Variants in PLXDC2 observed in about 807,000 individuals in gnomAD.
The protein encoded by PLXDC2 is plexin domain-containing protein 2.
A neutral mutation model predicts 68.9 loss-of-function variants in PLXDC2; 40 were observed. The ratio of observed to expected loss-of-function variants is 0.58; its 90% CI spans 0.45 to 0.76. The LOEUF is 0.76. PLXDC2 is among the 30% of genes least tolerant of loss of function. PLXDC2 has a pLI of 0.00. For synonymous variants in PLXDC2, 243 were observed against 234.2 expected, an observed-to-expected ratio of 1.04 and a Z score of -0.34; for missense variants, 644 against 661.9, an observed-to-expected ratio of 0.97 and a Z score of 0.30.
At chr10:19,994,236 G>A (rs920627672) in intron 1 of PLXDC2, among the ~76,000 whole-genome samples, 6 of 127,930 alleles carry the variant, frequency 4.7e-5, no homozygotes, top group Non-Finnish European at 6.4e-5. Context: ...GCTTTCATAG[G>A]TTCCCATTGT....
At chr10:20,050,956 T>G (rs1835888897) in intron 3 of PLXDC2, among the ~76,000 whole-genome samples, 1 of 152,092 alleles carries the variant, frequency 6.6e-6, no homozygotes, top group Non-Finnish European at 1.5e-5. Context: ...GCAGCACTAT[T>G]CACAAAAGCA....
intron 1 of PLXDC2, among the ~76,000 whole-genome samples, chr10:19,961,876 T>C (rs1834158802): frequency 6.6e-6 from 1 of 152,222 alleles, no homozygotes; most frequent in Non-Finnish European, 1.5e-5. Flanking sequence ...CATTTTCTAC[T>C]GTGTCATGCA....
chr10:20,014,778 C>G (rs577509063), intron 2 of PLXDC2, among the ~76,000 whole-genome samples: 10 of 152,238 alleles, frequency 6.6e-5, no homozygotes, highest in Admixed American at 2.6e-4. Context: ...ATGTATATCT[C>G]TTATCTTGTT....
intron 4 of PLXDC2, among the ~76,000 whole-genome samples, chr10:20,101,866 C>T (rs1429448594): frequency 1.3e-5 from 2 of 151,576 alleles, no homozygotes; most frequent in Admixed American, 6.6e-5. Context: ...GGCATAATCT[C>T]GGCTCACTGC....
rs201816550 is a variant in PLXDC2 at position 19,823,201 on chromosome 10, TTTTAA to T, written c.112+6017_112+6021del. On this transcript the variant is annotated intron_variant, in intron 1 of 13. Transcript: ENST00000377252. ...AAAGTGCTGGGATGTTTACTTATGC[TTTTAA>T]TTTAATATCTTAAAATATGATATAC... Among the ~76,000 whole-genome samples the T allele has an allele frequency of 9.2e-5, 14 of 152,116 alleles. No homozygotes were observed. The East Asian group carries it at 2.5e-3, about 27-fold the overall frequency.
intron 1 of PLXDC2, among the ~76,000 whole-genome samples, chr10:19,887,619 A>G (rs1837873275): frequency 6.6e-6 from 1 of 152,218 alleles, no homozygotes; most frequent in Non-Finnish European, 1.5e-5. Flanking sequence ...ACCTGGGATA[A>G]ATAAAAAGTG....
intron 4 of PLXDC2, among the ~76,000 whole-genome samples, chr10:20,135,348 T>G (rs1833920549): frequency 6.6e-6 from 1 of 152,202 alleles, no homozygotes; most frequent in Admixed American, 6.5e-5. Context: ...TGGTTCTGAA[T>G]GAACCCATAT....
intron 12 of PLXDC2, among the ~76,000 whole-genome samples, chr10:20,240,108 A>G (rs1177915183): frequency 6.6e-6 from 1 of 152,138 alleles, no homozygotes; most frequent in Admixed American, 6.5e-5. Flanking sequence ...AGGCTCTGGT[A>G]TCTGTTGTTC....
At chr10:19,947,201 A>C (rs1833915820) in intron 1 of PLXDC2, among the ~76,000 whole-genome samples, 1 of 152,224 alleles carries the variant, frequency 6.6e-6, no homozygotes, top group Non-Finnish European at 1.5e-5. Context: ...CCTGTAGAAA[A>C]ATGCAGCCCT....
intron 2 of PLXDC2, among the ~76,000 whole-genome samples, chr10:20,008,993 T>G (rs923966608): frequency 1.3e-5 from 2 of 152,212 alleles, no homozygotes; most frequent in African/African-American, 2.4e-5. Flanking sequence ...TTTGTCTTTA[T>G]TCGCAGCTTG....
At chr10:19,927,083 TATTC>T (rs1421706097) in intron 1 of PLXDC2, among the ~76,000 whole-genome samples, 1 of 152,206 alleles carries the variant, frequency 6.6e-6, no homozygotes, top group African/African-American at 2.4e-5. Context: ...AAAATTGACT[TATTC>T]ATTCAGTCAT....
At chr10:20,157,559 T>TAAG (rs1453253228) in intron 6 of PLXDC2, among the ~76,000 whole-genome samples, 1 of 152,206 alleles carries the variant, frequency 6.6e-6, no homozygotes, top group Non-Finnish European at 1.5e-5. Context: ...AGCTCATGGT[T>TAAG]AAGGAATTGT....
At chr10:20,276,235 T>C (rs958372855) in intron 13 of PLXDC2, among the ~76,000 whole-genome samples, 14 of 152,174 alleles carry the variant, frequency 9.2e-5, no homozygotes, top group African/African-American at 3.4e-4. Flanking sequence ...CAAGGGCTCA[T>C]CTAACCCAAC....
intron 13 of PLXDC2, among the ~76,000 whole-genome samples, chr10:20,275,327 C>G (rs575822522): frequency 2.4e-3 from 360 of 152,258 alleles, no homozygotes; most frequent in Non-Finnish European, 3.1e-3. Flanking sequence ...GTGAGAAACA[C>G]AGACCCCCTA....
chr10:20,234,663 C>CTTTTTTT (rs58791520), intron 12 of PLXDC2, among the ~76,000 whole-genome samples: 26 of 125,394 alleles, frequency 2.1e-4, no homozygotes, highest in Non-Finnish European at 2.5e-4. Flanking sequence ...GGGTTTCTTT[C>CTTTTTTT]TTTTTTTTTT....
At chr10:20,128,580 A>G (rs1271506376) in intron 4 of PLXDC2, among the ~76,000 whole-genome samples, 3 of 152,118 alleles carry the variant, frequency 2.0e-5, no homozygotes, top group African/African-American at 4.8e-5. Flanking sequence ...ATAGTTGTCT[A>G]TGCTATATAT....
intron 1 of PLXDC2, among the ~76,000 whole-genome samples, chr10:19,857,225 A>G (rs1407683258): frequency 6.6e-6 from 1 of 152,198 alleles, no homozygotes; most frequent in Non-Finnish European, 1.5e-5. Context: ...TTTATTATTT[A>G]TTTCAGCTTC....
intron 1 of PLXDC2, among the ~76,000 whole-genome samples, chr10:19,962,439 G>A (rs1234638389): frequency 3.4e-5 from 4 of 119,314 alleles, no homozygotes; most frequent in East Asian, 5.2e-4. Context: ...GAACCAGGCT[G>A]CAGTGCAGTG....
At chr10:20,174,627 A>G (rs1280723468) in intron 7 of PLXDC2, among the ~76,000 whole-genome samples, 3 of 152,046 alleles carry the variant, frequency 2.0e-5, no homozygotes, top group African/African-American at 7.2e-5. Flanking sequence ...GGAACATCAC[A>G]CAATGGGGCC....
Sources: gnomAD v4.1 joint callset for allele counts (sites outside exome capture counted in the v4.1 genomes callset) on GRCh38, gnomAD v4.1.1 for gene constraint, MANE v1.5 for transcripts, NCBI Gene and HGNC (gene_info 2026-07-23, HGNC 2026-07-21) for gene names.